Variants in HCN1 observed in about 807,000 individuals in gnomAD.
HCN1 encodes the protein hyperpolarization activated cyclic nucleotide gated potassium channel 1, also known as potassium/sodium hyperpolarization-activated cyclic nucleotide-gated channel 1.
Under a neutral mutation model 78.9 loss-of-function variants are expected in HCN1, and 13 were observed. The ratio of observed to expected loss-of-function variants is 0.16; its 90% CI spans 0.11 to 0.26. The LOEUF is 0.26. Ranked by LOEUF, HCN1 falls within the 10% of genes least tolerant of loss-of-function variation. The probability of loss-of-function intolerance (pLI) is 1.00; values close to 1 mark genes in which losing one functional copy is unlikely to be tolerated. For synonymous variants in HCN1, 552 were observed against 455.5 expected (o/e 1.21, Z -2.70); for missense variants, 810 against 1,154.3 (o/e 0.70, Z 4.32).
At chr5:45,296,406 T>TA (rs774748671) in intron 6 of HCN1, among the ~76,000 whole-genome samples, 41 of 151,710 alleles carry the variant, frequency 2.7e-4, no homozygotes, top group South Asian at 4.1e-4. Flanking sequence ...CAGATAATAT[T>TA]AAAAAAATGA....
chr5:45,534,804 A>C (rs1742934817), intron 2 of HCN1, among the ~76,000 whole-genome samples: 1 of 152,236 alleles, frequency 6.6e-6, no homozygotes, highest in African/African-American at 2.4e-5. Context: ...GCCAAGGTGA[A>C]TTAATTACAA....
At chr5:45,508,551 A>T (rs1742352412) in intron 2 of HCN1, among the ~76,000 whole-genome samples, 1 of 152,092 alleles carries the variant, frequency 6.6e-6, no homozygotes, top group Non-Finnish European at 1.5e-5. Flanking sequence ...TGGGAAAAAA[A>T]TAGGGAAAGA....
chr5:45,359,414 AAAATAT>A (rs1488919820), intron 4 of HCN1, among the ~76,000 whole-genome samples: 2 of 145,250 alleles, frequency 1.4e-5, no homozygotes, highest in Non-Finnish European at 3.0e-5. Context: ...CAAAAAAAAA[AAAATAT>A]ATATATATAT....
intron 2 of HCN1, among the ~76,000 whole-genome samples, chr5:45,597,583 AGAAG>A (rs1262307335): frequency 6.6e-6 from 1 of 152,154 alleles, no homozygotes; most frequent in East Asian, 1.9e-4. Flanking sequence ...ATCAGGCAAG[AGAAG>A]GAAAGAAAGG....
At chr5:45,421,508 C>T (rs1212992039) in intron 3 of HCN1, among the ~76,000 whole-genome samples, 1 of 151,782 alleles carries the variant, frequency 6.6e-6, no homozygotes, top group African/African-American at 2.4e-5. Context: ...GGAAGCAAAC[C>T]TTGTAAGATA....
In HCN1 at chr5:45,696,042, T is replaced by A; in HGVS notation, c.52A>T (p.Asn18Tyr). The change falls in exon 1 of 8, where the codon AAC (asparagine) becomes TAC (tyrosine). Residue 18 changes from asparagine (N) to tyrosine (Y), a missense_variant. Physicochemically the swap from Asn to Tyr is moderately radical, Grantham distance 143. Transcript: ENST00000303230. ...NSSSNSRDDG[N>Y]SVFPAKASAT... Reference sequence around the variant, plus strand: ...GACGCCTTGGCGGGGAAGACGCTGTTGCCATCGTCCCGGCTGTTAGACGAA... The same window carrying A: ...GACGCCTTGGCGGGGAAGACGCTGTAGCCATCGTCCCGGCTGTTAGACGAA... 1 of 1,348,118 alleles carries A rather than the reference T, an allele frequency of 7.4e-7. No homozygotes were observed. The highest frequency in any genetic ancestry group is 1.5e-5 in the South Asian group (1 of 65,940). The allele number at this position is 1,348,118 out of a possible 1,614,324, so 83.5% of individuals were successfully genotyped here.
chr5:45,600,889 T>G (rs1476597001), intron 2 of HCN1, among the ~76,000 whole-genome samples: 1 of 152,114 alleles, frequency 6.6e-6, no homozygotes, highest in African/African-American at 2.4e-5. Flanking sequence ...AAGGCTAAAC[T>G]TTAAATAGCA....
At chr5:45,561,748 G>T in intron 2 of HCN1, among the ~76,000 whole-genome samples, 1 of 152,196 alleles carries the variant, frequency 6.6e-6, no homozygotes, top group African/African-American at 2.4e-5. Context: ...CTTTGAGTTA[G>T]CCTGACTTCC....
chr5:45,315,695 G>T lies in HCN1; in HGVS notation c.1378-11856C>A, dbSNP rs573789703. On this transcript the variant is annotated intron_variant, in intron 5 of 7. Coordinates refer to ENST00000303230, the MANE Select transcript of HCN1 (RefSeq NM_021072.4). ...GACTGATAAAGAAGAAAAGAGAGAA[G>T]AATGAAATAGACACAATAAAAAATG... Among the ~76,000 whole-genome samples, 14 of 152,020 alleles carry T rather than the reference G, an allele frequency of 9.2e-5. No homozygotes were observed. In the South Asian group the frequency reaches 2.9e-3, roughly 32 times the overall value.
At chr5:45,435,294 A>G in intron 3 of HCN1, among the ~76,000 whole-genome samples, 1 of 152,058 alleles carries the variant, frequency 6.6e-6, no homozygotes, top group Non-Finnish European at 1.5e-5. Context: ...TATTCTTCTG[A>G]TATATCTCTT....
At chr5:45,307,368 C>T (rs1008077983) in intron 5 of HCN1, among the ~76,000 whole-genome samples, 3 of 152,076 alleles carry the variant, frequency 2.0e-5, no homozygotes, top group African/African-American at 7.2e-5. Context: ...TGGGGACTTC[C>T]TTCAAAGAAT....
At chr5:45,684,063 ATG>A (rs1739756634) in intron 1 of HCN1, among the ~76,000 whole-genome samples, 1 of 152,152 alleles carries the variant, frequency 6.6e-6, no homozygotes, top group South Asian at 2.1e-4. Flanking sequence ...CTATTTCTTC[ATG>A]ACAATATTAG....
intron 1 of HCN1, among the ~76,000 whole-genome samples, chr5:45,685,431 C>T (rs192640996): frequency 9.1e-4 from 138 of 152,130 alleles, no homozygotes; most frequent in Admixed American, 1.6e-3. Flanking sequence ...AAAAGTTTTC[C>T]GTCCGGAAGC....
At chr5:45,625,343 T>A (rs1745143149) in intron 2 of HCN1, among the ~76,000 whole-genome samples, 1 of 151,946 alleles carries the variant, frequency 6.6e-6, no homozygotes, top group Non-Finnish European at 1.5e-5. Flanking sequence ...AAACTATTAA[T>A]CTTCATGTAC....
intron 4 of HCN1, among the ~76,000 whole-genome samples, chr5:45,362,341 C>T (rs997794918): frequency 1.3e-5 from 2 of 151,938 alleles, no homozygotes; most frequent in Non-Finnish European, 2.9e-5. Flanking sequence ...TATTTCCTTC[C>T]CTCAACAGTT....
At chr5:45,516,651 TA>T (rs890383804) in intron 2 of HCN1, among the ~76,000 whole-genome samples, 3 of 151,974 alleles carry the variant, frequency 2.0e-5, no homozygotes, top group Non-Finnish European at 4.4e-5. Context: ...ACTCCAGGAT[TA>T]ACTGCATATT....
At chr5:45,355,957 T>C (rs1316149260) in intron 4 of HCN1, among the ~76,000 whole-genome samples, 1 of 151,960 alleles carries the variant, frequency 6.6e-6, no homozygotes, top group Non-Finnish European at 1.5e-5. Flanking sequence ...AAACAGGAGC[T>C]TTTTCTTTTT....
chr5:45,365,860 C>T (rs952595184), intron 4 of HCN1, among the ~76,000 whole-genome samples: 1 of 151,754 alleles, frequency 6.6e-6, no homozygotes, highest in African/African-American at 2.4e-5. Context: ...ACCTACTTTT[C>T]TTTTCCTCAA....
At chr5:45,402,333 T>C (rs1218283334) in intron 3 of HCN1, among the ~76,000 whole-genome samples, 1 of 152,158 alleles carries the variant, frequency 6.6e-6, no homozygotes, top group Non-Finnish European at 1.5e-5. Flanking sequence ...TAACTAAGGA[T>C]GATTTTACCA....
Sources: gnomAD v4.1 joint callset for allele counts (sites outside exome capture counted in the v4.1 genomes callset) on GRCh38, gnomAD v4.1.1 for gene constraint, MANE v1.5 for transcripts, NCBI Gene and HGNC (gene_info 2026-07-23, HGNC 2026-07-21) for gene names.